CPA6: variants seen among roughly 807,000 people sequenced by gnomAD.
CPA6 encodes carboxypeptidase A6, also known as carboxypeptidase B.
A neutral mutation model predicts 63.3 loss-of-function variants in CPA6; 58 were observed. That is an observed-to-expected ratio of 0.92 (90% CI 0.74 to 1.14). The LOEUF (loss-of-function observed/expected upper bound fraction) is 1.14, where lower values mean the gene tolerates loss of function less well. Among genes scored for constraint, CPA6 ranks in the 50% most tolerant of loss-of-function variants. CPA6 has a pLI of 0.00. For missense variants in CPA6, 565 were observed against 526.6 expected, an observed-to-expected ratio of 1.07 and a Z score of -0.71; for synonymous variants, 185 against 179.0, an observed-to-expected ratio of 1.03 and a Z score of -0.27.
chr8:67,676,250 A>C (rs1266588676), intron 1 of CPA6, among the ~76,000 whole-genome samples: 1 of 152,210 alleles, frequency 6.6e-6, no homozygotes, highest in South Asian at 2.1e-4. Context: ...ATAAATATGG[A>C]GAGGCAGCTT....
intron 6 of CPA6, among the ~76,000 whole-genome samples, chr8:67,500,035 C>T (rs993702370): frequency 6.6e-6 from 1 of 152,124 alleles, no homozygotes; most frequent in Non-Finnish European, 1.5e-5. Flanking sequence ...CTGGGTCATA[C>T]AGTAGTTCCA....
intron 2 of CPA6, among the ~76,000 whole-genome samples, chr8:67,609,649 T>C (rs1258317095): frequency 6.6e-6 from 1 of 152,230 alleles, no homozygotes; most frequent in Non-Finnish European, 1.5e-5. Context: ...AATCTATCAA[T>C]TGTTCTCCCC....
chr8:67,745,075 C>G (rs1481107338), intron 1 of CPA6, among the ~76,000 whole-genome samples: 1 of 152,186 alleles, frequency 6.6e-6, no homozygotes, highest in African/African-American at 2.4e-5. Context: ...GGTTTTAAGA[C>G]ACTGTACACT....
At chr8:67,595,878 G>T (rs1012426250) in intron 2 of CPA6, among the ~76,000 whole-genome samples, 33 of 152,312 alleles carry the variant, frequency 2.2e-4, no homozygotes, top group Admixed American at 7.2e-4. Context: ...GGCGCACAGT[G>T]TGCTGCACCC....
chr8:67,612,440 T>C (rs923322882), intron 2 of CPA6, among the ~76,000 whole-genome samples: 1 of 152,230 alleles, frequency 6.6e-6, no homozygotes, highest in South Asian at 2.1e-4. Context: ...ATCTCTGTAC[T>C]GGGTCAATGT....
At chr8:67,470,662 C>A (rs116714287) in intron 8 of CPA6, among the ~76,000 whole-genome samples, 3 of 151,968 alleles carry the variant, frequency 2.0e-5, no homozygotes, top group African/African-American at 7.3e-5. Flanking sequence ...TATATAAAAA[C>A]GATAATAAAC....
At chr8:67,572,495 G>A (rs566761047) in intron 2 of CPA6, among the ~76,000 whole-genome samples, 2 of 152,302 alleles carry the variant, frequency 1.3e-5, no homozygotes, top group Admixed American at 1.3e-4. Flanking sequence ...TCTCTGCCAT[G>A]TTGTGATGCA....
At chr8:67,543,669 A>G (rs1417689247) in intron 2 of CPA6, among the ~76,000 whole-genome samples, 3 of 152,182 alleles carry the variant, frequency 2.0e-5, no homozygotes, top group African/African-American at 7.2e-5. Context: ...CATTTTCAGT[A>G]TACAATTCAG....
intron 2 of CPA6, among the ~76,000 whole-genome samples, chr8:67,551,335 T>C (rs1446710803): frequency 2.0e-5 from 3 of 152,148 alleles, no homozygotes; most frequent in South Asian, 2.1e-4. Flanking sequence ...TGGCTGTATG[T>C]GTGCTGCTTT....
chr8:67,484,935 G>A, intron 6 of CPA6, 146 bp from the exon 7 acceptor site: 2 of 503,002 alleles, frequency 4.0e-6, no homozygotes, highest in South Asian at 3.1e-5. Context: ...CTTCGACATT[G>A]TAAATTCTGT....
chr8:67,564,330 T>C (rs1482682163), intron 2 of CPA6, among the ~76,000 whole-genome samples: 1 of 152,136 alleles, frequency 6.6e-6, no homozygotes, highest in African/African-American at 2.4e-5. Context: ...TTTTTTTGTT[T>C]GTTTGTTTGG....
intron 2 of CPA6, among the ~76,000 whole-genome samples, chr8:67,566,716 G>C (rs978228747): frequency 1.3e-5 from 2 of 152,186 alleles, no homozygotes; most frequent in African/African-American, 4.8e-5. Flanking sequence ...CCTAACCCTA[G>C]ATCAGTATGC....
rs1298834996 is a variant in CPA6, at chr8:67,471,183, A to G, written c.838+12585T>C. 2.0e-5 allele frequency among the ~76,000 whole-genome samples: 3 copies of G among 152,162 alleles called. No individual in the cohort carries two copies. The East Asian group carries it at 5.8e-4, about 29-fold the overall frequency. On this transcript the variant is annotated intron_variant, in intron 8 of 10. Transcript: ENST00000297770. ...AAAGATTCTCCCAATGCGGGCCTTT[A>G]CATGACTGTTCCTTCTGTGTGCACT...
In CPA6 at chr8:67,483,300, A is replaced by G. The variant is rs560642459; in HGVS notation, c.838+468T>C. On this transcript the variant is annotated intron_variant, in intron 8 of 10. Transcript: ENST00000297770. Reference sequence around the variant, plus strand: ...TAATGAAACATGGAATGCAGCAGAAATACATTCCCAATGTGCATGGTCAAT... The same window carrying G: ...TAATGAAACATGGAATGCAGCAGAAGTACATTCCCAATGTGCATGGTCAAT... The G allele has an allele frequency of 9.1e-4, 142 of 155,718 alleles. 1 individual carries two copies. Among genetic ancestry groups the G allele is most frequent in the African/African-American group, 3.2e-3 (134 of 41,648 alleles). 9.6% of individuals were successfully genotyped at this position (155,718 alleles called of 1,614,324 possible).
chr8:67,580,602 A>G (rs900038869), intron 2 of CPA6, among the ~76,000 whole-genome samples: 9 of 152,174 alleles, frequency 5.9e-5, no homozygotes, highest in Admixed American at 5.9e-4. Context: ...TGCAGATTTA[A>G]TTGGAAATAG....
chr8:67,463,485 AAAG>A lies in CPA6; in HGVS notation c.838+20280_838+20282del, dbSNP rs143271363. Among the ~76,000 whole-genome samples the A allele has an allele frequency of 9.1e-4, 119 of 131,454 alleles. No individual in the cohort carries two copies. The East Asian group carries it at 0.01, about 11-fold the overall frequency. 86.2% of individuals were successfully genotyped at this position (131,454 alleles called of 152,430 possible). On this transcript the variant is annotated intron_variant, in intron 8 of 10. Transcript: ENST00000297770. ...AAATAAATAAATAAATAGATAAATA[AAAG>A]AAGAATTCTAAAACTAAGTTTAGAA...
intron 1 of CPA6, among the ~76,000 whole-genome samples, chr8:67,673,780 A>G (rs1274491317): frequency 6.6e-6 from 1 of 152,186 alleles, no homozygotes; most frequent in African/African-American, 2.4e-5. Context: ...TTCATTTAAC[A>G]AATATTTTTT....
chr8:67,477,063 G>T (rs1811256374), intron 8 of CPA6, among the ~76,000 whole-genome samples: 1 of 152,024 alleles, frequency 6.6e-6, no homozygotes, highest in Admixed American at 6.6e-5. Flanking sequence ...GGCCGAGGCA[G>T]GTGGATCATG....
chr8:67,659,185 G>C (rs1816054045), intron 1 of CPA6, among the ~76,000 whole-genome samples: 1 of 152,148 alleles, frequency 6.6e-6, no homozygotes, highest in Non-Finnish European at 1.5e-5. Context: ...CAGATAGGCA[G>C]GCCTCTTTTC....
Sources: allele counts gnomAD v4.1 joint callset (sites outside exome capture counted in the v4.1 genomes callset), GRCh38; gene constraint gnomAD v4.1.1; transcripts MANE v1.5; gene names NCBI Gene and HGNC (gene_info 2026-07-23, HGNC 2026-07-21).